The following EIF4G3 variants were observed in gnomAD, a reference collection of about 807,000 sequenced individuals.
EIF4G3 encodes the protein eukaryotic translation initiation factor 4 gamma 3.
EIF4G3 carries 34 observed loss-of-function variants against 186.4 expected under a neutral mutation model. That is an observed-to-expected ratio of 0.18 (90% CI 0.14 to 0.24). EIF4G3 has a LOEUF of 0.24. Among genes scored for constraint, EIF4G3 ranks in the 10% least tolerant of loss-of-function variants. The pLI is 1.00. For missense variants in EIF4G3, 1,536 were observed against 1,948.5 expected (o/e 0.79, Z 3.99); for synonymous variants, 673 against 679.5 (o/e 0.99, Z 0.15).
At chr1:21,083,674 A>G (rs959556829) in intron 3 of EIF4G3, among the ~76,000 whole-genome samples, 1 of 152,200 alleles carries the variant, frequency 6.6e-6, no homozygotes, top group Non-Finnish European at 1.5e-5. Context: ...GTAGTTTTAA[A>G]TAGTAAAAAT....
intron 4 of EIF4G3, among the ~76,000 whole-genome samples, chr1:21,014,445 G>A (rs751109687): frequency 6.6e-6 from 1 of 152,052 alleles, no homozygotes; most frequent in African/African-American, 2.4e-5. Context: ...TATCTGGTAG[G>A]CAATTTTTTG....
At chr1:20,945,616 C>T (rs902815572) in intron 13 of EIF4G3, among the ~76,000 whole-genome samples, 6 of 152,284 alleles carry the variant, frequency 3.9e-5, no homozygotes, top group Middle Eastern at 3.4e-3. Context: ...CATGTACGAG[C>T]CACCATACCT....
chr1:21,019,908 G>A (rs541088997), intron 4 of EIF4G3, among the ~76,000 whole-genome samples: 47 of 151,778 alleles, frequency 3.1e-4, no homozygotes, highest in Non-Finnish European at 2.7e-4. Context: ...AAAACAAAAT[G>A]CCCCCATGAA....
At chr1:21,080,723 T>A (rs1386098724) in intron 3 of EIF4G3, among the ~76,000 whole-genome samples, 1 of 152,142 alleles carries the variant, frequency 6.6e-6, no homozygotes, top group Non-Finnish European at 1.5e-5. Context: ...TTGGTCAGGC[T>A]GATCTCAAAC....
At chr1:21,168,174 T>G (rs1246282260) in intron 2 of EIF4G3, 2 of 372,624 alleles carry the variant, frequency 5.4e-6, no homozygotes, top group African/African-American at 4.4e-5. Flanking sequence ...GAGGCTGAGG[T>G]GGGCAGATCA....
intron 30 of EIF4G3, among the ~76,000 whole-genome samples, chr1:20,837,218 T>C (rs2067005299): frequency 6.8e-6 from 1 of 147,166 alleles, no homozygotes; most frequent in Admixed American, 6.8e-5. Flanking sequence ...TCTGCTTTTC[T>C]TTTTTTTTTT....
intron 15 of EIF4G3, 45 bp from the exon 16 acceptor site, chr1:20,899,988 G>A (rs570679796): frequency 1.9e-6 from 3 of 1,558,548 alleles, no homozygotes; most frequent in Non-Finnish European, 1.7e-6. Context: ...TTCCACGGGT[G>A]TAAATATACA....
chr1:20,826,830 AGAG>A (rs1252437171), intron 32 of EIF4G3, among the ~76,000 whole-genome samples: 2 of 152,112 alleles, frequency 1.3e-5, no homozygotes, highest in Non-Finnish European at 2.9e-5. Context: ...AGTAGGTCGG[AGAG>A]GAGGAAATTT....
intron 12 of EIF4G3, among the ~76,000 whole-genome samples, chr1:20,961,777 G>C (rs2096575218): frequency 6.6e-6 from 1 of 152,042 alleles, no homozygotes; most frequent in South Asian, 2.1e-4. Context: ...AGTCTACAAG[G>C]CTTTACATAT....
intron 11 of EIF4G3, among the ~76,000 whole-genome samples, chr1:20,972,425 G>A (rs941891674): frequency 6.6e-6 from 1 of 152,058 alleles, no homozygotes; most frequent in Non-Finnish European, 1.5e-5. Flanking sequence ...CTTGAGCTCA[G>A]GAGTTCGAGA....
chr1:20,871,316 G>C (rs1023660892), intron 20 of EIF4G3, among the ~76,000 whole-genome samples: 1 of 152,074 alleles, frequency 6.6e-6, no homozygotes, highest in Non-Finnish European at 1.5e-5. Context: ...GACATTTGGG[G>C]TAGGATAATT....
intron 2 of EIF4G3, among the ~76,000 whole-genome samples, chr1:21,129,646 A>G (rs778153430): frequency 2.8e-4 from 42 of 152,166 alleles, no homozygotes; most frequent in Non-Finnish European, 4.7e-4. Context: ...AGGTCCCTGT[A>G]GAGAAAGCAG....
At chr1:21,101,579 C>CA (rs1270749382) in intron 2 of EIF4G3, among the ~76,000 whole-genome samples, 136 of 48,982 alleles carry the variant, frequency 2.8e-3, no homozygotes, top group African/African-American at 4.1e-3. Context: ...AAAAAAACAA[C>CA]AAAAAAAAAC....
At chr1:20,824,468 G>A (rs891450371) in intron 33 of EIF4G3, among the ~76,000 whole-genome samples, 5 of 151,912 alleles carry the variant, frequency 3.3e-5, no homozygotes, top group African/African-American at 7.3e-5. Context: ...TTTCAGTAAC[G>A]TTTTGAGAGA....
At chr1:20,920,678 C>G (rs1218945993) in intron 14 of EIF4G3, among the ~76,000 whole-genome samples, 1 of 152,072 alleles carries the variant, frequency 6.6e-6, no homozygotes, top group Non-Finnish European at 1.5e-5. Flanking sequence ...TGATCAGAAG[C>G]TACCTGATTC....
intron 7 of EIF4G3, among the ~76,000 whole-genome samples, chr1:20,986,700 G>C (rs1319930732): frequency 8.4e-6 from 1 of 118,518 alleles, no homozygotes; most frequent in Non-Finnish European, 1.6e-5. Flanking sequence ...AGTGAGCCAA[G>C]ATCATGCCAC....
At chr1:20,909,741 T>A (rs1046808374) in intron 14 of EIF4G3, among the ~76,000 whole-genome samples, 1 of 152,004 alleles carries the variant, frequency 6.6e-6, no homozygotes, top group Admixed American at 6.6e-5. Flanking sequence ...TAACAACAAA[T>A]TAACTCTGTT....
intron 3 of EIF4G3, among the ~76,000 whole-genome samples, chr1:21,086,478 G>A (rs2095983990): frequency 6.6e-6 from 1 of 151,818 alleles, no homozygotes; most frequent in Admixed American, 6.6e-5. Context: ...CATTAACCAC[G>A]CCTCTGGATC....
intron 7 of EIF4G3, among the ~76,000 whole-genome samples, chr1:20,991,813 T>C (rs868386786): frequency 5.3e-5 from 8 of 152,072 alleles, no homozygotes; most frequent in African/African-American, 1.9e-4. Context: ...ACTTCACTCA[T>C]GCTAAAAAAT....
Sources: gnomAD v4.1 joint callset for allele counts (sites outside exome capture counted in the v4.1 genomes callset) on GRCh38, gnomAD v4.1.1 for gene constraint, MANE v1.5 for transcripts, NCBI Gene and HGNC (gene_info 2026-07-23, HGNC 2026-07-21) for gene names.